The following CSMD1 variants were observed in gnomAD, a reference collection of about 807,000 sequenced individuals.
CSMD1 encodes the protein CUB and Sushi multiple domains 1.
Under a neutral mutation model 417.5 loss-of-function variants are expected in CSMD1, and 213 were observed. That is an observed-to-expected ratio of 0.51 (90% CI 0.46 to 0.57). CSMD1 has a LOEUF of 0.57. Ranked by LOEUF, CSMD1 falls within the 20% of genes least tolerant of loss-of-function variation. CSMD1 has a pLI of 0.00. For synonymous variants in CSMD1, 2,862 were observed against 1,736.8 expected (o/e 1.65, Z -16.11); for missense variants, 6,923 against 4,529.7 (o/e 1.53, Z -15.17).
At chr8:4,489,074 C>T (rs1196155874) in intron 2 of CSMD1, among the ~76,000 whole-genome samples, 1 of 152,128 alleles carries the variant, frequency 6.6e-6, no homozygotes, top group East Asian at 1.9e-4. Context: ...CCACACACAG[C>T]TAATTTTTTG....
intron 10 of CSMD1, among the ~76,000 whole-genome samples, chr8:3,518,009 G>C (rs1797352608): frequency 6.6e-6 from 1 of 152,022 alleles, no homozygotes. Flanking sequence ...GTGAACTTAA[G>C]AAACAACTCT....
At chr8:4,204,737 C>T (rs370130161) in intron 3 of CSMD1, among the ~76,000 whole-genome samples, 1 of 152,188 alleles carries the variant, frequency 6.6e-6, no homozygotes, top group South Asian at 2.1e-4. Flanking sequence ...TCACTGCAGC[C>T]TCAACCTCCC....
chr8:4,935,389 C>A (rs1176210976), intron 1 of CSMD1, among the ~76,000 whole-genome samples: 2 of 152,216 alleles, frequency 1.3e-5, no homozygotes, highest in African/African-American at 4.8e-5. Flanking sequence ...ACATGCACCT[C>A]AAAAGCCCTA....
chr8:4,964,295 C>T (rs1050838027), intron 1 of CSMD1, among the ~76,000 whole-genome samples: 14 of 151,700 alleles, frequency 9.2e-5, no homozygotes, highest in Admixed American at 6.6e-5. Flanking sequence ...GGGCAAATTG[C>T]TTAAGTCCCA....
At chr8:3,928,180 A>G (rs1480834001) in intron 5 of CSMD1, among the ~76,000 whole-genome samples, 1 of 152,218 alleles carries the variant, frequency 6.6e-6, no homozygotes, top group Non-Finnish European at 1.5e-5. Flanking sequence ...AGCTCAGAAA[A>G]GAACATGAGA....
intron 3 of CSMD1, among the ~76,000 whole-genome samples, chr8:4,191,122 C>T (rs955159438): frequency 2.0e-5 from 3 of 151,970 alleles, no homozygotes; most frequent in African/African-American, 4.8e-5. Flanking sequence ...CAAGGCCAGG[C>T]GAGGTAGCTC....
At chr8:3,625,811 C>G (rs1351897726) in intron 7 of CSMD1, among the ~76,000 whole-genome samples, 1 of 152,004 alleles carries the variant, frequency 6.6e-6, no homozygotes, top group Non-Finnish European at 1.5e-5. Flanking sequence ...TTTAACATCG[C>G]CTGCCCTAGG....
intron 2 of CSMD1, among the ~76,000 whole-genome samples, chr8:4,469,019 CAA>C (rs1176780775): frequency 6.6e-6 from 1 of 152,084 alleles, no homozygotes; most frequent in Non-Finnish European, 1.5e-5. Flanking sequence ...AAAAAAAGTT[CAA>C]AAGACAATGC....
intron 25 of CSMD1, among the ~76,000 whole-genome samples, chr8:3,306,670 G>GTTAA (rs1804877731): frequency 6.7e-6 from 1 of 150,302 alleles, no homozygotes; most frequent in Admixed American, 6.6e-5. Flanking sequence ...AAACAGAAAG[G>GTTAA]TTAATTGAAG....
intron 2 of CSMD1, among the ~76,000 whole-genome samples, chr8:4,501,357 T>C (rs1238618796): frequency 6.6e-6 from 1 of 152,184 alleles, no homozygotes; most frequent in African/African-American, 2.4e-5. Context: ...TAAGGTATTC[T>C]TTTTATTTTT....
Position 3,239,984 on chromosome 8 carries a change from A to C in CSMD1, c.4154-9753T>G, listed in dbSNP as rs146933996. Among the ~76,000 whole-genome samples the C allele has an allele frequency of 2.0e-5, 3 of 149,248 alleles. No individual in the cohort carries two copies. In the Admixed American group the frequency reaches 2.0e-4, roughly 10 times the overall value. Reference sequence around the variant, plus strand: ...CGGGGAGCAGAAAGTATATGTGTCAAGTGTGAGGAAGAAAATAGATTTTGG... The same window carrying C: ...CGGGGAGCAGAAAGTATATGTGTCACGTGTGAGGAAGAAAATAGATTTTGG... On this transcript the variant is annotated intron_variant, in intron 26 of 69. Transcript: ENST00000635120.
chr8:3,673,482 C>G (rs2117551254), intron 7 of CSMD1, among the ~76,000 whole-genome samples: 1 of 152,312 alleles, frequency 6.6e-6, no homozygotes, highest in Non-Finnish European at 1.5e-5. Context: ...ATGTGTTTAA[C>G]AACCTACTCA....
intron 39 of CSMD1, among the ~76,000 whole-genome samples, chr8:3,157,432 C>T (rs980741992): frequency 3.3e-5 from 5 of 152,190 alleles, no homozygotes; most frequent in Admixed American, 1.3e-4. Flanking sequence ...AGGAGCGCAT[C>T]CACAAGATAG....
chr8:3,985,222 G>A (rs1483417969), intron 5 of CSMD1, among the ~76,000 whole-genome samples: 4 of 152,122 alleles, frequency 2.6e-5, no homozygotes, highest in Admixed American at 1.3e-4. Flanking sequence ...GAGAAGCATT[G>A]ACGGGTTATA....
chr8:3,661,476 T>G (rs1035278042), intron 7 of CSMD1, among the ~76,000 whole-genome samples: 4 of 151,554 alleles, frequency 2.6e-5, no homozygotes, highest in African/African-American at 9.7e-5. Context: ...ACTTGCGAAA[T>G]GTTCATTGCT....
chr8:4,738,915 G>GTGTGTATGTGTGTGTGTA (rs1810422551), intron 1 of CSMD1, among the ~76,000 whole-genome samples: 1 of 152,012 alleles, frequency 6.6e-6, no homozygotes, highest in African/African-American at 2.4e-5. Context: ...GTGTGTGTGT[G>GTGTGTATGTGTGTGTGTA]TGTGTGTATG....
At chr8:3,260,167 C>A (rs73187503) in intron 26 of CSMD1, among the ~76,000 whole-genome samples, 11,243 of 152,142 alleles carry the variant, frequency 0.074, 554 homozygotes, top group Admixed American at 0.13. Context: ...TTGAGTTAAG[C>A]AAATTGAAAA....
chr8:3,783,638 C>T (rs182528115), intron 5 of CSMD1, among the ~76,000 whole-genome samples: 8 of 152,326 alleles, frequency 5.3e-5, no homozygotes, highest in Admixed American at 6.5e-5. Flanking sequence ...GGTTCTTCTG[C>T]ATGTCCATAA....
intron 11 of CSMD1, among the ~76,000 whole-genome samples, chr8:3,492,947 T>TG (rs1796194316): frequency 6.6e-6 from 1 of 152,096 alleles, no homozygotes; most frequent in Admixed American, 6.6e-5. Context: ...TCTGTACCTC[T>TG]TTAAAAACCC....
Sources: allele counts gnomAD v4.1 joint callset (sites outside exome capture counted in the v4.1 genomes callset), GRCh38; gene constraint gnomAD v4.1.1; transcripts MANE v1.5; gene names NCBI Gene and HGNC (gene_info 2026-07-23, HGNC 2026-07-21).